SLC2A5: variants seen among roughly 807,000 people sequenced by gnomAD.
The protein encoded by SLC2A5 is solute carrier family 2 member 5.
Under a neutral mutation model 50.3 loss-of-function variants are expected in SLC2A5, and 56 were observed. The observed-to-expected ratio is 1.11, with a 90% CI of 0.90 to 1.39. The LOEUF (loss-of-function observed/expected upper bound fraction) is 1.39. SLC2A5 is among the 40% of genes most tolerant of loss of function. SLC2A5 has a pLI of 0.00. For missense variants in SLC2A5, 566 were observed against 650.1 expected, an observed-to-expected ratio of 0.87 and a Z score of 1.41; for synonymous variants, 269 against 281.9, an observed-to-expected ratio of 0.95 and a Z score of 0.46.
intron 1 of SLC2A5, among the ~76,000 whole-genome samples, chr1:9,060,158 C>T (rs1569886281): frequency 6.9e-6 from 1 of 145,452 alleles, no homozygotes; most frequent in African/African-American, 2.5e-5. Flanking sequence ...ACACTACACA[C>T]ACTACACACT....
rs527761864 is a variant in SLC2A5, at chr1:9,087,925, T to TA, written c.-188+446dup. On this transcript the variant is annotated intron_variant, in intron 1 of 5. Coordinates refer to the SLC2A5 transcript ENST00000464985. ...CAACTGGAACATCCAACATTTGGCTTATGGGGGAACCTAAAGCCAAAGCAT... is the reference window on the plus strand; with the variant it reads ...CAACTGGAACATCCAACATTTGGCTTAATGGGGGAACCTAAAGCCAAAGCAT... Among the ~76,000 whole-genome samples the TA allele has an allele frequency of 3.4e-4, 52 of 152,260 alleles. No individual in the cohort carries two copies. In the East Asian group the frequency reaches 4.3e-3, roughly 12 times the overall value.
At chr1:9,042,240 T>G (rs1342843343) in intron 4 of SLC2A5, among the ~76,000 whole-genome samples, 1 of 152,090 alleles carries the variant, frequency 6.6e-6, no homozygotes, top group East Asian at 1.9e-4. Context: ...ACGTTTCTGC[T>G]TTTTGAGGAG....
intron 10 of SLC2A5, 35 bp from the exon 11 acceptor site, chr1:9,038,059 G>C (rs774870532): frequency 3.0e-5 from 49 of 1,608,400 alleles, no homozygotes; most frequent in Non-Finnish European, 3.9e-5. Context: ...CCTGAAGGCA[G>C]AGCGGGCCCG....
In SLC2A5 at chr1:9,057,534, C is replaced by A; in HGVS notation, c.207G>T (p.Leu69Phe). ...GEFMEDFPLTLLWSVTVSMFP... is the reference protein window; with the variant it reads ...GEFMEDFPLTFLWSVTVSMFP... Reference sequence around the variant, plus strand: ...ACATGGACACGGTTACAGACCACAGCAACGTCAAGGGGAAGTCTTCCATGA... The same window carrying A: ...ACATGGACACGGTTACAGACCACAGAAACGTCAAGGGGAAGTCTTCCATGA... The change falls in exon 3 of 12, where the codon TTG (leucine) becomes TTT (phenylalanine). Residue 69 changes from leucine (L) to phenylalanine (F), a missense_variant. By Grantham distance (22) the Leu-to-Phe change is conservative. Coordinates refer to ENST00000377424, the MANE Select transcript of SLC2A5 (RefSeq NM_003039.3). 6.2e-7 allele frequency: 1 copy of A among 1,613,878 alleles called. No individual in the cohort carries two copies. Among genetic ancestry groups the A allele is most frequent in the Non-Finnish European group, 8.5e-7 (1 of 1,179,802 alleles).
rs540022084 is a variant in SLC2A5 at position 9,063,847 on chromosome 1, T to C, written c.34-5597A>G. ...AGTAGCTGGGACTACAGGCGCCCGC[T>C]ACCACGCCCGGCTAATTTTTTGTAT... On this transcript the variant is annotated intron_variant, in intron 1 of 11. Coordinates refer to ENST00000377424, the MANE Select transcript of SLC2A5 (RefSeq NM_003039.3). 2.5e-3 allele frequency among the ~76,000 whole-genome samples: 362 copies of C among 142,382 alleles called. 18 individuals carry two copies. Among genetic ancestry groups the C allele is most frequent in the African/African-American group, 9.6e-3 (345 of 35,872 alleles). 93.4% of individuals were successfully genotyped at this position (142,382 alleles called of 152,430 possible). A position where few individuals can be genotyped will look rare whatever the true frequency, so the allele number is the denominator to read the frequency against.
At chr1:9,091,364 C>G (rs1257223853), upstream of SLC2A5, among the ~76,000 whole-genome samples, 2 of 152,216 alleles carry the variant, frequency 1.3e-5, no homozygotes, top group South Asian at 4.1e-4. Context: ...TCCCTCCAAC[C>G]AGTGGCATAT....
rs148244341 is a variant in SLC2A5 at position 9,037,933 on chromosome 1, G to A, written c.1266C>T (p.Ser422=). 7 of 1,613,832 alleles carry A rather than the reference G, an allele frequency of 4.3e-6. No homozygotes were observed. The African/African-American group carries it at 9.3e-5, about 22-fold the overall frequency. ...FMVGGSVHWL[S]NFTVGLIFPF... is the part of the protein sequence containing the mutation. The stretch of plus-strand genomic sequence containing the variant: ...GGAAGATCAAGCCCACGGTGAAGTT[G>A]GAGAGCCAGTGCACACTGCCCCCCA... The change falls in exon 11 of 12, where the codon TCC becomes TCT. Residue 422 remains serine, a synonymous_variant. Transcript: ENST00000377424.
chr1:9,081,353 A>C (rs1642350910), intron 2 of SLC2A5, among the ~76,000 whole-genome samples: 1 of 151,324 alleles, frequency 6.6e-6, no homozygotes, highest in South Asian at 2.1e-4. Flanking sequence ...AAGAAAGTAA[A>C]AAGATGAGCT....
chr1:9,041,465 C>T, intron 5 of SLC2A5: 1 of 1,303,450 alleles, frequency 7.7e-7, no homozygotes, highest in East Asian at 2.9e-5. Context: ...GAGCCTGGCA[C>T]ACTGGTGGCT....
At chr1:9,076,287 A>G (rs1642282829) in intron 2 of SLC2A5, among the ~76,000 whole-genome samples, 1 of 152,130 alleles carries the variant, frequency 6.6e-6, no homozygotes, top group East Asian at 1.9e-4. Context: ...CAGCTCTACT[A>G]GGAGTGAAAG....
chr1:9,090,297 G>A (rs541139379), upstream of SLC2A5, among the ~76,000 whole-genome samples: 47 of 152,236 alleles, frequency 3.1e-4, no homozygotes, highest in African/African-American at 1.1e-3. Context: ...CCCATAGTAT[G>A]GAACACTGAC....
At chr1:9,078,800 C>T (rs554711341) in intron 2 of SLC2A5, among the ~76,000 whole-genome samples, 1 of 152,246 alleles carries the variant, frequency 6.6e-6, no homozygotes, top group East Asian at 1.9e-4. Context: ...CCACTCACGT[C>T]TCTCTGGGCC....
At chr1:9,041,240 G>A (rs750062880) in intron 5 of SLC2A5, 14 of 398,098 alleles carry the variant, frequency 3.5e-5, no homozygotes, top group Non-Finnish European at 4.4e-5. Context: ...CCGGTTACAG[G>A]TGTCTGTGCA....
At position 9,041,998 on chromosome 1, in the gene SLC2A5, C is replaced by T. The variant is rs970815496; in HGVS notation, c.419-61G>A. 5 of 1,489,246 alleles carry T rather than the reference C, an allele frequency of 3.4e-6. No individual in the cohort carries two copies. The African/African-American group carries it at 7.0e-5, about 21-fold the overall frequency. The allele number at this position is 1,489,246 out of a possible 1,614,324, so 92.3% of individuals were successfully genotyped here. The stretch of plus-strand genomic sequence containing the variant: ...AATTAGTCTGGCAGGGACAAGCTGT[C>T]TTCAAGTATACTATTCTTAGCAATA... On this transcript the variant is annotated intron_variant, in intron 4 of 11. Transcript: ENST00000377424.
At chr1:9,070,370 C>T (rs887395085), upstream of SLC2A5, among the ~76,000 whole-genome samples, 6 of 152,148 alleles carry the variant, frequency 3.9e-5, no homozygotes, top group African/African-American at 1.2e-4. Flanking sequence ...CGTGAGCCAT[C>T]GTGTCCGGCC....
At chr1:9,043,052 A>G (rs1298084402) in intron 4 of SLC2A5, among the ~76,000 whole-genome samples, 1 of 152,122 alleles carries the variant, frequency 6.6e-6, no homozygotes, top group African/African-American at 2.4e-5. Context: ...GCAGCTTCCA[A>G]AGTATTTTCA....
In SLC2A5 at chr1:9,087,359, C is replaced by T. The variant is rs564660535; in HGVS notation, c.-188+1013G>A. ...AGCTGGGACTACAGGCACCCACCAC[C>T]ATGCCTGGCTAATTTTTTGTATTTT... On this transcript the variant is annotated intron_variant, in intron 1 of 5. Coordinates refer to the SLC2A5 transcript ENST00000464985. 3.9e-5 allele frequency among the ~76,000 whole-genome samples: 6 copies of T among 152,246 alleles called. No homozygotes were observed. The East Asian group carries it at 9.7e-4, about 25-fold the overall frequency.
At chr1:9,058,503 G>A (rs1284135205) in intron 1 of SLC2A5, among the ~76,000 whole-genome samples, 1 of 152,186 alleles carries the variant, frequency 6.6e-6, no homozygotes, top group East Asian at 1.9e-4. Flanking sequence ...ACAGCATCCT[G>A]TGAACATGGT....
intron 1 of SLC2A5, among the ~76,000 whole-genome samples, chr1:9,065,462 C>T (rs774805387): frequency 7.9e-5 from 12 of 152,222 alleles, no homozygotes; most frequent in Non-Finnish European, 1.6e-4. Flanking sequence ...AGAATGCAAA[C>T]ACCCCGGAGT....
Sources: gnomAD v4.1 joint callset for allele counts (sites outside exome capture counted in the v4.1 genomes callset) on GRCh38, gnomAD v4.1.1 for gene constraint, MANE v1.5 for transcripts, NCBI Gene and HGNC (gene_info 2026-07-23, HGNC 2026-07-21) for gene names.